NRXN3: variants seen among roughly 807,000 people sequenced by gnomAD.
NRXN3 encodes the protein neurexin III.
A neutral mutation model predicts 137.6 loss-of-function variants in NRXN3; 32 were observed. That is an observed-to-expected ratio of 0.23 (90% CI 0.18 to 0.31). The LOEUF is 0.31. Ranked by LOEUF, NRXN3 falls within the 10% of genes least tolerant of loss-of-function variation. The probability of loss-of-function intolerance (pLI) is 1.00; values close to 1 mark genes in which losing one functional copy is unlikely to be tolerated. For synonymous variants in NRXN3, 798 were observed against 784.5 expected (o/e 1.02, Z -0.29); for missense variants, 1,574 against 2,062.5 (o/e 0.76, Z 4.59).
At chr14:78,322,481 T>C (rs2079507283) in intron 4 of NRXN3, among the ~76,000 whole-genome samples, 1 of 152,050 alleles carries the variant, frequency 6.6e-6, no homozygotes, top group South Asian at 2.1e-4. Flanking sequence ...TGTTTTCTGA[T>C]TGTCTCTGTC....
chr14:78,902,460 CATT>C (rs1264621108), intron 10 of NRXN3, among the ~76,000 whole-genome samples: 1 of 151,800 alleles, frequency 6.6e-6, no homozygotes, highest in Non-Finnish European at 1.5e-5. Flanking sequence ...TTTCAAATGT[CATT>C]TAATGTTTTC....
At chr14:79,804,531 C>T (rs1194970945) in intron 19 of NRXN3, among the ~76,000 whole-genome samples, 3 of 152,292 alleles carry the variant, frequency 2.0e-5, no homozygotes, top group South Asian at 2.1e-4. Context: ...TACTGGTCTA[C>T]ATTACCAATT....
At chr14:79,528,550 T>C (rs2097142072) in intron 16 of NRXN3, among the ~76,000 whole-genome samples, 1 of 152,194 alleles carries the variant, frequency 6.6e-6, no homozygotes, top group South Asian at 2.1e-4. Flanking sequence ...TGTGTGTATA[T>C]ATATGTATAT....
At chr14:79,399,152 C>T (rs1019698194) in intron 15 of NRXN3, among the ~76,000 whole-genome samples, 2 of 151,988 alleles carry the variant, frequency 1.3e-5, no homozygotes. Flanking sequence ...ATCTTAAGCC[C>T]AAGCAAAATC....
intron 15 of NRXN3, chr14:79,280,608 G>A (rs2081122499): frequency 7.2e-7 from 1 of 1,394,636 alleles, no homozygotes; most frequent in Admixed American, 1.9e-5. Context: ...CTTGCAGGTA[G>A]TGTCAAAGGT....
chr14:79,418,357 G>A (rs752771698), intron 15 of NRXN3, among the ~76,000 whole-genome samples: 5 of 152,262 alleles, frequency 3.3e-5, no homozygotes, highest in African/African-American at 1.2e-4. Flanking sequence ...TTGATCTGAC[G>A]TTTTGGCTCT....
intron 16 of NRXN3, among the ~76,000 whole-genome samples, chr14:79,620,005 T>C (rs2098205031): frequency 6.6e-6 from 1 of 152,094 alleles, no homozygotes; most frequent in South Asian, 2.1e-4. Flanking sequence ...AGTTATTGTC[T>C]TAAATATTCA....
intron 16 of NRXN3, among the ~76,000 whole-genome samples, chr14:79,472,897 G>A (rs906181291): frequency 3.9e-5 from 6 of 152,110 alleles, no homozygotes; most frequent in African/African-American, 7.2e-5. Flanking sequence ...ATAGAAGGTC[G>A]GGGAGAACTG....
At chr14:79,144,765 TTC>T (rs1455332771) in intron 15 of NRXN3, among the ~76,000 whole-genome samples, 2 of 152,138 alleles carry the variant, frequency 1.3e-5, no homozygotes, top group East Asian at 1.9e-4. Flanking sequence ...TGGTTGTTTA[TTC>T]TCTTTCTTCT....
intron 6 of NRXN3, among the ~76,000 whole-genome samples, chr14:78,698,914 T>C (rs2098253143): frequency 6.6e-6 from 1 of 152,084 alleles, no homozygotes; most frequent in African/African-American, 2.4e-5. Flanking sequence ...GCAGAATAGA[T>C]ATAGAGGCTT....
At chr14:78,746,593 G>A (rs1461776278) in intron 8 of NRXN3, among the ~76,000 whole-genome samples, 2 of 152,174 alleles carry the variant, frequency 1.3e-5, no homozygotes, top group African/African-American at 4.8e-5. Flanking sequence ...CTAAGCAATT[G>A]TAACAGATGA....
intron 10 of NRXN3, among the ~76,000 whole-genome samples, chr14:78,950,488 C>T (rs1449317877): frequency 6.6e-6 from 1 of 152,100 alleles, no homozygotes; most frequent in Non-Finnish European, 1.5e-5. Flanking sequence ...TTTAGAGATG[C>T]TATTGAATGG....
chr14:78,525,071 G>A (rs2096357288), intron 4 of NRXN3, among the ~76,000 whole-genome samples: 1 of 152,072 alleles, frequency 6.6e-6, no homozygotes, highest in African/African-American at 2.4e-5. Context: ...TTGTATTTTT[G>A]AGAAGCTCTA....
chr14:78,656,779 T>C (rs538932261), intron 6 of NRXN3, among the ~76,000 whole-genome samples: 61 of 152,154 alleles, frequency 4.0e-4, no homozygotes, highest in South Asian at 2.5e-3. Flanking sequence ...TGCGGTGGCT[T>C]ACGCCTGTAA....
At chr14:79,646,602 A>G (rs554031584) in intron 16 of NRXN3, among the ~76,000 whole-genome samples, 2 of 134,702 alleles carry the variant, frequency 1.5e-5, no homozygotes, top group South Asian at 2.4e-4. Flanking sequence ...AAATGTACCA[A>G]CCTCCAAGTC....
intron 19 of NRXN3, among the ~76,000 whole-genome samples, chr14:79,742,499 G>T (rs1300715800): frequency 6.6e-6 from 1 of 151,914 alleles, no homozygotes; most frequent in Non-Finnish European, 1.5e-5. Context: ...TTTGAGACTT[G>T]TTTCAGAATC....
At chr14:78,759,433 A>C (rs1339308797) in intron 8 of NRXN3, among the ~76,000 whole-genome samples, 2 of 152,218 alleles carry the variant, frequency 1.3e-5, no homozygotes, top group Non-Finnish European at 2.9e-5. Context: ...ATGAAGTTAA[A>C]TAACTTACCC....
At chr14:78,613,058 A>G (rs965246006) in intron 4 of NRXN3, among the ~76,000 whole-genome samples, 1 of 152,202 alleles carries the variant, frequency 6.6e-6, no homozygotes, top group Non-Finnish European at 1.5e-5. Context: ...GCCAGTTCAA[A>G]TCCTTGCTGT....
chr14:79,769,260 G>A (rs979685711), intron 19 of NRXN3, among the ~76,000 whole-genome samples: 4 of 150,128 alleles, frequency 2.7e-5, no homozygotes, highest in African/African-American at 9.8e-5. Context: ...TCAGATTCAG[G>A]AAATACAGAG....
Sources: gnomAD v4.1 joint callset for allele counts (sites outside exome capture counted in the v4.1 genomes callset) on GRCh38, gnomAD v4.1.1 for gene constraint, MANE v1.5 for transcripts, NCBI Gene and HGNC (gene_info 2026-07-23, HGNC 2026-07-21) for gene names.